SLIT1: variants seen among roughly 807,000 people sequenced by gnomAD.
SLIT1 encodes the protein slit homolog 1 protein.
A neutral mutation model predicts 186.1 loss-of-function variants in SLIT1; 66 were observed. That is an observed-to-expected ratio of 0.35 (90% CI 0.29 to 0.44). The LOEUF (loss-of-function observed/expected upper bound fraction) is 0.44, where lower values mean the gene tolerates loss of function less well. Among genes scored for constraint, SLIT1 ranks in the 20% least tolerant of loss-of-function variants. SLIT1 has a pLI of 1.00. For missense variants in SLIT1, 1,638 were observed against 2,037.4 expected (o/e 0.80, Z 3.77); for synonymous variants, 761 against 833.8 (o/e 0.91, Z 1.50).
chr10:97,080,291 A>G (rs964798425), intron 4 of SLIT1, among the ~76,000 whole-genome samples: 2 of 152,196 alleles, frequency 1.3e-5, no homozygotes, highest in Non-Finnish European at 2.9e-5. Flanking sequence ...ATCACAGGAC[A>G]TCGTTTCCTG....
rs1848345744 is a variant in SLIT1 at position 97,004,826 on chromosome 10, G to A, written c.3580-3C>T. The A allele has an allele frequency of 6.2e-7, 1 of 1,614,126 alleles. No homozygotes were observed. On this transcript the variant is annotated splice_region_variant and splice_polypyrimidine_tract_variant and intron_variant, in intron 32 of 36. Coordinates refer to ENST00000266058, the MANE Select transcript of SLIT1 (RefSeq NM_003061.3). The surrounding 1 kb of genome is among the most constrained non-coding windows in gnomAD (Gnocchi z 5.1). ...CCATTGTCCTCTGCCGTGGAGACCT[G>A]ATGGGCAGTGGCACTTTCTCTCCCA...
chr10:97,046,828 A>G, intron 17 of SLIT1, 31 bp from the exon 18 acceptor site: 1 of 1,606,878 alleles, frequency 6.2e-7, no homozygotes, highest in South Asian at 1.1e-5. Flanking sequence ...AGGATTACAT[A>G]TGGCCAGCAG....
chr10:97,012,676 G>GCGT (rs1409842647), intron 30 of SLIT1, among the ~76,000 whole-genome samples: 1 of 152,228 alleles, frequency 6.6e-6, no homozygotes, highest in Non-Finnish European at 1.5e-5. Context: ...CAGGAGTACA[G>GCGT]CGTCCGTCTA....
chr10:97,013,810 T>C lies in SLIT1; in HGVS notation c.3134A>G (p.Asp1045Gly). The change falls in exon 30 of 37, where the codon GAC becomes GGC. Residue 1045 changes from aspartate to glycine, a missense_variant. Coordinates refer to ENST00000266058, the MANE Select transcript of SLIT1 (RefSeq NM_003061.3). ...TGGGTTCAGATCCGGAGAGCACAAGTCCACCAGCTGCTCACAGGCCTTTCC... is the reference window on the plus strand; with the variant it reads ...TGGGTTCAGATCCGGAGAGCACAAGCCCACCAGCTGCTCACAGGCCTTTCC... ...YEGKACEQLV[D>G]LCSPDLNPCQ... 1.3e-6 allele frequency: 2 copies of C among 1,551,580 alleles called. No individual in the cohort carries two copies.
At chr10:97,054,350 C>A (rs2134631938) in intron 13 of SLIT1, among the ~76,000 whole-genome samples, 1 of 151,984 alleles carries the variant, frequency 6.6e-6, no homozygotes, top group African/African-American at 2.4e-5. Context: ...GAGGCCTCAC[C>A]AGAAGCCAAG....
chr10:97,003,587 G>A (rs1230776854), intron 34 of SLIT1, among the ~76,000 whole-genome samples: 1 of 152,166 alleles, frequency 6.6e-6, no homozygotes, highest in African/African-American at 2.4e-5. Context: ...CCAGCAGCCT[G>A]CTCATCAATA....
intron 13 of SLIT1, 50 bp from the exon 14 acceptor site, chr10:97,049,168 C>T (rs529573454): frequency 1.6e-5 from 25 of 1,579,372 alleles, no homozygotes; most frequent in Admixed American, 8.6e-5. Context: ...TGCAAACCCG[C>T]GCTGACCTCC....
At chr10:97,106,301 G>T (rs187606618) in intron 4 of SLIT1, among the ~76,000 whole-genome samples, 2 of 152,240 alleles carry the variant, frequency 1.3e-5, no homozygotes, top group Non-Finnish European at 1.5e-5. Context: ...TGGAGCTGCT[G>T]TAAACATCTT....
intron 4 of SLIT1, among the ~76,000 whole-genome samples, chr10:97,099,851 C>T (rs144221819): frequency 8.5e-5 from 13 of 152,302 alleles, no homozygotes; most frequent in African/African-American, 3.1e-4. Flanking sequence ...GGAGAGAAGC[C>T]AGCCCAGGGC....
chr10:97,164,623 C>A (rs547737742), intron 2 of SLIT1, among the ~76,000 whole-genome samples, 196 bp downstream of exon 2: 2 of 152,124 alleles, frequency 1.3e-5, no homozygotes, highest in African/African-American at 4.8e-5. Context: ...GAGCACAGGG[C>A]GACGGACCTT....
intron 22 of SLIT1, among the ~76,000 whole-genome samples, chr10:97,036,357 T>C (rs1848638388): frequency 6.6e-6 from 1 of 152,072 alleles, no homozygotes; most frequent in African/African-American, 2.4e-5. Flanking sequence ...CACTACTCCA[T>C]CCCTTCTCCA....
Position 97,059,519 on chromosome 10 carries a change from G to A in SLIT1, c.1026C>T (p.Asn342=). The A allele has an allele frequency of 1.2e-6, 2 of 1,613,846 alleles. No individual in the cohort carries two copies. The highest frequency in any genetic ancestry group is 1.7e-6 in the Non-Finnish European group (2 of 1,179,972). The change falls in exon 11 of 37, where the codon AAC becomes AAT. Residue 342 remains asparagine (N), a synonymous_variant. Coordinates refer to ENST00000266058, the MANE Select transcript of SLIT1 (RefSeq NM_003061.3). ...YRKLRRIDLS[N]NQIAEIAPDA... The stretch of plus-strand genomic sequence containing the variant: ...CGGGTGCAATCTCAGCGATCTGATT[G>A]TTGCTCAGGTCTCTGCAAGGTGAGC...
chr10:97,161,337 G>A (rs1850023303), intron 3 of SLIT1, among the ~76,000 whole-genome samples: 1 of 152,222 alleles, frequency 6.6e-6, no homozygotes, highest in African/African-American at 2.4e-5. Context: ...TCGACATCTG[G>A]TCTAGCTGTG....
chr10:97,150,562 T>C (rs771007615), intron 4 of SLIT1, among the ~76,000 whole-genome samples: 1 of 151,994 alleles, frequency 6.6e-6, no homozygotes, highest in Non-Finnish European at 1.5e-5. Context: ...GGGAAATAAA[T>C]GCCCTGGGCT....
At chr10:97,081,620 A>T (rs1468126682) in intron 4 of SLIT1, among the ~76,000 whole-genome samples, 3 of 152,210 alleles carry the variant, frequency 2.0e-5, no homozygotes, top group Non-Finnish European at 2.9e-5. Flanking sequence ...GGATATCTGC[A>T]GCCCCTGAGG....
intron 30 of SLIT1, among the ~76,000 whole-genome samples, chr10:97,012,531 G>A (rs1340915758): frequency 1.3e-5 from 2 of 152,214 alleles, no homozygotes; most frequent in African/African-American, 4.8e-5. Context: ...CTTCGTGATT[G>A]AGGGGCTGTG....
intron 25 of SLIT1, among the ~76,000 whole-genome samples, chr10:97,026,952 A>G (rs1187100294): frequency 1.3e-5 from 2 of 152,224 alleles, no homozygotes; most frequent in African/African-American, 4.8e-5. Flanking sequence ...CAGAACAAGA[A>G]CCTAAAGCCC....
At chr10:97,095,985 G>C (rs1364950060) in intron 4 of SLIT1, among the ~76,000 whole-genome samples, 1 of 152,152 alleles carries the variant, frequency 6.6e-6, no homozygotes, top group East Asian at 1.9e-4. Context: ...CCTTTGAGTT[G>C]AGAGGTGCAA....
chr10:97,013,258 A>G (rs1479924054), intron 30 of SLIT1, among the ~76,000 whole-genome samples: 1 of 152,238 alleles, frequency 6.6e-6, no homozygotes, highest in Admixed American at 6.5e-5. Context: ...AGTGCGGGGC[A>G]GCTTTTATTA....
Sources: allele counts gnomAD v4.1 joint callset (sites outside exome capture counted in the v4.1 genomes callset), GRCh38; gene constraint gnomAD v4.1.1; non-coding constraint Gnocchi (gnomAD v3.1); transcripts MANE v1.5; gene names NCBI Gene and HGNC (gene_info 2026-07-23, HGNC 2026-07-21).